Variants in PPP1R14C observed in about 807,000 individuals in gnomAD.
PPP1R14C encodes the protein protein phosphatase 1 regulatory inhibitor subunit 14C, also known as protein phosphatase 1 regulatory subunit 14C.
Under a neutral mutation model 20.4 loss-of-function variants are expected in PPP1R14C, and 16 were observed. The ratio of observed to expected loss-of-function variants is 0.78; its 90% CI spans 0.53 to 1.19. PPP1R14C has a LOEUF of 1.19. Among genes scored for constraint, PPP1R14C ranks in the 50% most tolerant of loss-of-function variants. The pLI, the probability that PPP1R14C is intolerant of heterozygous loss-of-function variation, is 0.00. For missense variants in PPP1R14C, 211 were observed against 220.1 expected, an observed-to-expected ratio of 0.96 and a Z score of 0.26; for synonymous variants, 91 against 91.0, an observed-to-expected ratio of 1.00 and a Z score of 0.00.
chr6:150,202,627 TG>T (rs1486008042), intron 1 of PPP1R14C, among the ~76,000 whole-genome samples: 1 of 152,208 alleles, frequency 6.6e-6, no homozygotes, highest in Non-Finnish European at 1.5e-5. Context: ...AGGGTCCCCA[TG>T]GTGCCCTCCC....
intron 1 of PPP1R14C, among the ~76,000 whole-genome samples, chr6:150,200,217 A>G (rs9371345): frequency 0.053 from 7,989 of 151,888 alleles, 462 homozygotes; most frequent in African/African-American, 0.14. Context: ...TACACAACAC[A>G]CACACACACA....
chr6:150,183,336 C>A (rs1777643112), intron 1 of PPP1R14C, among the ~76,000 whole-genome samples: 1 of 152,074 alleles, frequency 6.6e-6, no homozygotes, highest in African/African-American at 2.4e-5. Flanking sequence ...GTAAATTCAA[C>A]TTTATTGCTC....
intron 1 of PPP1R14C, chr6:150,195,255 T>C: frequency 1.5e-5 from 11 of 721,832 alleles, no homozygotes; most frequent in African/African-American, 1.9e-5. Flanking sequence ...GTGGATACCA[T>C]GTTATACATG....
At chr6:150,189,684 C>T (rs9383712) in intron 1 of PPP1R14C, among the ~76,000 whole-genome samples, 10,336 of 152,018 alleles carry the variant, frequency 0.068, 806 homozygotes, top group African/African-American at 0.19. Context: ...GCTTTTCTTT[C>T]GGTAGAGAAC....
intron 1 of PPP1R14C, among the ~76,000 whole-genome samples, chr6:150,198,207 C>T (rs376491888): frequency 6.7e-4 from 95 of 141,740 alleles, no homozygotes; most frequent in African/African-American, 2.3e-3. Context: ...CTGGCCGCCA[C>T]GGTGGAGGAG....
At chr6:150,231,489 T>C (rs1418549795) in intron 3 of PPP1R14C, among the ~76,000 whole-genome samples, 4 of 152,240 alleles carry the variant, frequency 2.6e-5, no homozygotes, top group Non-Finnish European at 4.4e-5. Context: ...TTTTCCTCAC[T>C]CAGTTGACAT....
intron 1 of PPP1R14C, among the ~76,000 whole-genome samples, chr6:150,203,095 C>T (rs77092885): frequency 0.051 from 7,727 of 152,192 alleles, 264 homozygotes; most frequent in Middle Eastern, 0.14. Flanking sequence ...CCTGTGGGTT[C>T]TGGGGTTGTG....
chr6:150,143,153 C>T lies in PPP1R14C; in HGVS notation c.-40C>T. ...GCGGCGCCGGGCGCGCTCCGCCCGC[C>T]CCTCCTCCGGGCCGCACTGAGGCTC... On this transcript the variant is annotated 5_prime_UTR_variant, in exon 1 of 4. Coordinates refer to ENST00000361131, the MANE Select transcript of PPP1R14C (RefSeq NM_030949.3). This position sits in a 1 kb window ranked among gnomAD's most constrained non-coding sequence, Gnocchi z 5.6. The T allele has an allele frequency of 8.2e-7, 1 of 1,215,502 alleles. No homozygotes were observed. Among genetic ancestry groups the T allele is most frequent in the African/African-American group, 1.6e-5 (1 of 63,088 alleles). 75.3% of individuals were successfully genotyped at this position (1,215,502 alleles called of 1,614,324 possible).
At chr6:150,179,439 G>A (rs1777596977) in intron 1 of PPP1R14C, among the ~76,000 whole-genome samples, 1 of 145,444 alleles carries the variant, frequency 6.9e-6, no homozygotes, top group East Asian at 2.1e-4. Context: ...GGGAGGGAGG[G>A]AGGGAGGGTC....
chr6:150,145,965 G>A (rs563227799), intron 1 of PPP1R14C, among the ~76,000 whole-genome samples: 3 of 152,310 alleles, frequency 2.0e-5, no homozygotes, highest in Non-Finnish European at 2.9e-5. Context: ...AGTGTAAAGT[G>A]ATGTATTTAG....
chr6:150,168,733 C>G (rs923594444), intron 1 of PPP1R14C, among the ~76,000 whole-genome samples: 2 of 152,030 alleles, frequency 1.3e-5, no homozygotes, highest in Non-Finnish European at 2.9e-5. Flanking sequence ...CAGATAACAC[C>G]AAATAATCAG....
At chr6:150,242,454 G>A (rs1778443836) in intron 3 of PPP1R14C, among the ~76,000 whole-genome samples, 1 of 132,352 alleles carries the variant, frequency 7.6e-6, no homozygotes, top group Admixed American at 7.5e-5. Flanking sequence ...TAAAAAACTA[G>A]GAGGGGGAAA....
chr6:150,244,642 G>A (rs889454289), intron 3 of PPP1R14C, among the ~76,000 whole-genome samples: 5 of 152,180 alleles, frequency 3.3e-5, no homozygotes, highest in East Asian at 1.9e-4. Flanking sequence ...TGTGGCTAGC[G>A]TGACTAACAA....
At chr6:150,144,997 G>T (rs1233355593) in intron 1 of PPP1R14C, among the ~76,000 whole-genome samples, 1 of 149,138 alleles carries the variant, frequency 6.7e-6, no homozygotes, top group African/African-American at 2.5e-5. Flanking sequence ...ATTTCATACT[G>T]TTTTTTTTTT....
chr6:150,234,345 G>A (rs1280395782), intron 3 of PPP1R14C, among the ~76,000 whole-genome samples: 3 of 152,088 alleles, frequency 2.0e-5, no homozygotes, highest in Non-Finnish European at 4.4e-5. Context: ...TTTAGAAAAA[G>A]TTGAGCATAC....
chr6:150,217,950 T>G (rs10080687), intron 3 of PPP1R14C, among the ~76,000 whole-genome samples: 1,657 of 152,320 alleles, frequency 0.011, 26 homozygotes, highest in African/African-American at 0.038. Flanking sequence ...CAGCTTTGAT[T>G]ACATCTTGCA....
At chr6:150,226,965 C>CT (rs1409420957) in intron 3 of PPP1R14C, among the ~76,000 whole-genome samples, 1 of 152,188 alleles carries the variant, frequency 6.6e-6, no homozygotes, top group East Asian at 1.9e-4. Flanking sequence ...CAGGCCTGCT[C>CT]TGCTGTTCTT....
chr6:150,156,217 C>A (rs1025334079), intron 1 of PPP1R14C, among the ~76,000 whole-genome samples: 2 of 151,974 alleles, frequency 1.3e-5, no homozygotes, highest in African/African-American at 2.4e-5. Context: ...TGCTCAATCT[C>A]TTTTGAGGTT....
chr6:150,159,780 T>C (rs1777344893), intron 1 of PPP1R14C, among the ~76,000 whole-genome samples: 1 of 152,232 alleles, frequency 6.6e-6, no homozygotes, highest in African/African-American at 2.4e-5. Context: ...TGAACCAATA[T>C]TGATACATTA....
Sources: gnomAD v4.1 joint callset for allele counts (sites outside exome capture counted in the v4.1 genomes callset) on GRCh38, gnomAD v4.1.1 for gene constraint, Gnocchi (gnomAD v3.1) non-coding constraint, MANE v1.5 for transcripts, NCBI Gene and HGNC (gene_info 2026-07-23, HGNC 2026-07-21) for gene names.